The following DCTN5 variants were observed in gnomAD, a reference collection of about 807,000 sequenced individuals.
The protein encoded by DCTN5 is dynactin subunit 5.
DCTN5 carries 14 observed loss-of-function variants against 23.5 expected under a neutral mutation model. The ratio of observed to expected loss-of-function variants is 0.60; its 90% CI spans 0.39 to 0.93. The LOEUF (loss-of-function observed/expected upper bound fraction) is 0.93. Among genes scored for constraint, DCTN5 ranks in the 40% least tolerant of loss-of-function variants. The pLI is 0.00. For missense variants in DCTN5, 156 were observed against 225.9 expected (o/e 0.69, Z 1.98); for synonymous variants, 67 against 79.6 (o/e 0.84, Z 0.84).
chr16:23,641,489 G>C lies in DCTN5; in HGVS notation c.-54G>C. 6.2e-7 allele frequency: 1 copy of C among 1,610,354 alleles called. No individual in the cohort carries two copies. Among genetic ancestry groups the C allele is most frequent in the Non-Finnish European group, 8.5e-7 (1 of 1,177,232 alleles). On this transcript the variant is annotated 5_prime_UTR_variant, in exon 1 of 6. Transcript: ENST00000300087. ...CCGGAAGTAGCCGGAATCTCTGAAAGACTGACCGACTGACTCTGACAGGAT... is the reference window on the plus strand; with the variant it reads ...CCGGAAGTAGCCGGAATCTCTGAAACACTGACCGACTGACTCTGACAGGAT...
intron 1 of DCTN5, 37 bp from the exon 2 acceptor site, chr16:23,642,918 A>C: frequency 1.3e-6 from 2 of 1,588,718 alleles, no homozygotes; most frequent in Non-Finnish European, 1.7e-6. Flanking sequence ...AAACCTATTA[A>C]GTTTGCTTTC....
At chr16:23,657,670 G>A (rs1201947607) in intron 2 of DCTN5, 9 of 229,584 alleles carry the variant, frequency 3.9e-5, no homozygotes, top group Non-Finnish European at 7.2e-5. Flanking sequence ...TCTTGAACTC[G>A]ACCTCAGGCA....
chr16:23,641,608 TGTATCCTCCTCTTTCCAACCCTGC>T lies in DCTN5; in HGVS notation c.48+21_48+44del, dbSNP rs746595854. On this transcript the variant is annotated intron_variant, in intron 1 of 5. Transcript: ENST00000300087. Reference sequence around the variant, plus strand: ...TCGAGACGGTGCGCGGGTCCAGATATGTATCCTCCTCTTTCCAACCCTGCGTCCCTTTGAGGCCTGGTCGGCGTT... The same window carrying T: ...TCGAGACGGTGCGCGGGTCCAGATATGTCCCTTTGAGGCCTGGTCGGCGTT... The T allele has an allele frequency of 6.2e-7, 1 of 1,613,776 alleles. No individual in the cohort carries two copies. The highest frequency in any genetic ancestry group is 1.1e-5 in the South Asian group (1 of 91,048).
chr16:23,650,791 C>T, intron 2 of DCTN5: 2 of 1,532,032 alleles, frequency 1.3e-6, no homozygotes, highest in African/African-American at 2.7e-5. Context: ...GCCCATATAT[C>T]AGATGTCACA....
At chr16:23,643,149 T>G in intron 2 of DCTN5, 126 bp downstream of exon 2, 1 of 778,620 alleles carries the variant, frequency 1.3e-6, no homozygotes, top group Non-Finnish European at 2.1e-6. Context: ...TTCTCTTGTT[T>G]TTAAATTTTT....
At position 23,667,507 on chromosome 16, in the gene DCTN5, T is replaced by C. The variant is rs1204236346; in HGVS notation, c.*363T>C. 4.4e-6 allele frequency: 1 copy of C among 226,146 alleles called. No homozygotes were observed. The highest frequency in any genetic ancestry group is 2.2e-5 in the African/African-American group (1 of 44,800). 14.0% of individuals were successfully genotyped at this position (226,146 alleles called of 1,614,324 possible). On this transcript the variant is annotated 3_prime_UTR_variant, in exon 6 of 6. Transcript: ENST00000300087. ...GCAGAGCAGCAGCACCCTTCCGGTGTGGAGGCTATGTAGCTGGTGCGCTGC... is the reference window on the plus strand; with the variant it reads ...GCAGAGCAGCAGCACCCTTCCGGTGCGGAGGCTATGTAGCTGGTGCGCTGC...
Position 23,666,927 on chromosome 16 carries a change from G to A in DCTN5, c.452-120G>A, listed in dbSNP as rs553272408. On this transcript the variant is annotated intron_variant, in intron 5 of 5. Transcript: ENST00000300087. ...AGCACTGGACCAGAACAGCCTCAGC[G>A]ATTATTTAAGTGATTGTCAGACATG... 4.2e-4 allele frequency: 632 copies of A among 1,487,772 alleles called. 1 individual carries two copies. Among genetic ancestry groups the A allele is most frequent in the Non-Finnish European group, 5.5e-4 (608 of 1,108,072 alleles). 92.2% of individuals were successfully genotyped at this position (1,487,772 alleles called of 1,614,324 possible).
rs918444658 is a variant in DCTN5 at position 23,652,073 on chromosome 16, A to C, written c.118-6434A>C. Among the ~76,000 whole-genome samples, 26 of 152,272 alleles carry C rather than the reference A, an allele frequency of 1.7e-4. 1 individual carries two copies. The highest frequency in any genetic ancestry group is 6.3e-4 in the African/African-American group (26 of 41,548). Reference sequence around the variant, plus strand: ...AAAAAAGAAAACCAAAAGAACTGTAATACTTCATAATCAGCAGCAGATGTG... The same window carrying C: ...AAAAAAGAAAACCAAAAGAACTGTACTACTTCATAATCAGCAGCAGATGTG... On this transcript the variant is annotated intron_variant, in intron 2 of 5. Transcript: ENST00000300087.
chr16:23,641,852 A>G (rs1967275015), intron 1 of DCTN5, among the ~76,000 whole-genome samples: 1 of 151,962 alleles, frequency 6.6e-6, no homozygotes, highest in Non-Finnish European at 1.5e-5. Context: ...TCCTGTTCAT[A>G]CGAATTACAG....
chr16:23,662,384 T>C (rs554508465), intron 4 of DCTN5, among the ~76,000 whole-genome samples: 9 of 152,318 alleles, frequency 5.9e-5, no homozygotes, highest in South Asian at 2.1e-4. Flanking sequence ...AATAGGTTGA[T>C]TTAACCCAAC....
At chr16:23,661,425 T>C (rs529378127) in intron 4 of DCTN5, 144 bp downstream of exon 4, 31 of 591,216 alleles carry the variant, frequency 5.2e-5, no homozygotes, top group South Asian at 1.8e-4. Flanking sequence ...TTGACAGATA[T>C]GGAATTTTTT....
At chr16:23,660,609 C>T (rs1967791922) in intron 3 of DCTN5, among the ~76,000 whole-genome samples, 1 of 152,194 alleles carries the variant, frequency 6.6e-6, no homozygotes, top group South Asian at 2.1e-4. Context: ...TCACAGTTGT[C>T]ACTACTTACT....
Position 23,667,092 on chromosome 16 carries a change from T to C in DCTN5, c.497T>C (p.Ile166Thr). The C allele has an allele frequency of 6.2e-7, 1 of 1,613,502 alleles. No individual in the cohort carries two copies. Among genetic ancestry groups the C allele is most frequent in the Non-Finnish European group, 8.5e-7 (1 of 1,180,024 alleles). The change falls in exon 6 of 6, where the codon ATT (isoleucine) becomes ACT (threonine). Residue 166 changes from isoleucine to threonine, a missense_variant. Around this residue, in one of 2 missense-constraint regions of DCTN5, gnomAD observed 153 missense variants for 206.8 expected, o/e 0.74. Transcript: ENST00000300087. ...CCGGAGTGCACTCAGGAGCTGATGA[T>C]TGACGTCACCAAGAGCTACTACCAG... ...ELPECTQELMIDVTKSYYQKF... is the reference protein window; with the variant it reads ...ELPECTQELMTDVTKSYYQKF...
chr16:23,645,128 TATATATA>T (rs1411317741), intron 2 of DCTN5, among the ~76,000 whole-genome samples: 44 of 38,776 alleles, frequency 1.1e-3, no homozygotes, highest in South Asian at 2.4e-3. Context: ...TATATATATA[TATATATA>T]TATTTTTTTT....
At chr16:23,661,061 C>A in intron 3 of DCTN5, 109 bp from the exon 4 acceptor site, 1 of 561,528 alleles carries the variant, frequency 1.8e-6, no homozygotes, top group Non-Finnish European at 3.0e-6. Context: ...TTGCTGGGAA[C>A]AGTCTTGCTA....
intron 2 of DCTN5, among the ~76,000 whole-genome samples, chr16:23,657,963 A>T (rs1007570635): frequency 6.6e-6 from 1 of 152,180 alleles, no homozygotes; most frequent in Admixed American, 6.5e-5. Flanking sequence ...ATAAGGCATT[A>T]ATCCTCCCAG....
At chr16:23,645,400 C>T (rs1967437308) in intron 2 of DCTN5, among the ~76,000 whole-genome samples, 1 of 151,944 alleles carries the variant, frequency 6.6e-6, no homozygotes. Context: ...GCTGGAATTA[C>T]AGGCATGAGC....
chr16:23,645,681 A>C (rs556039034), intron 2 of DCTN5, among the ~76,000 whole-genome samples: 126 of 152,244 alleles, frequency 8.3e-4, no homozygotes, highest in South Asian at 2.9e-3. Flanking sequence ...GGCTTATTTC[A>C]CTTAGTGTAA....
At chr16:23,645,110 T>TATATAC in intron 2 of DCTN5, among the ~76,000 whole-genome samples, 1 of 39,572 alleles carries the variant, frequency 2.5e-5, no homozygotes, top group South Asian at 9.0e-4. Context: ...TATATATATA[T>TATATAC]ATATATATAT....
Sources: allele counts gnomAD v4.1 joint callset (sites outside exome capture counted in the v4.1 genomes callset), GRCh38; gene constraint gnomAD v4.1.1; regional missense constraint gnomAD v4.1.1; transcripts MANE v1.5; gene names NCBI Gene and HGNC (gene_info 2026-07-23, HGNC 2026-07-21).